Variants in MAML3 observed in about 807,000 individuals in gnomAD.
MAML3 encodes the protein mastermind like transcriptional coactivator 3.
MAML3 carries 27 observed loss-of-function variants against 101.9 expected under a neutral mutation model. The observed-to-expected ratio is 0.27, with a 90% CI of 0.20 to 0.37. The LOEUF is 0.37. Ranked by LOEUF, MAML3 falls within the 10% of genes least tolerant of loss-of-function variation. MAML3 has a pLI of 1.00. For synonymous variants in MAML3, 501 were observed against 555.9 expected (o/e 0.90, Z 1.39); for missense variants, 1,316 against 1,444.9 (o/e 0.91, Z 1.45).
chr4:139,926,109 C>T lies in MAML3; in HGVS notation c.469-35142G>A, dbSNP rs144779057. Among the ~76,000 whole-genome samples, 6 of 152,208 alleles carry T rather than the reference C, an allele frequency of 3.9e-5. No individual in the cohort carries two copies. The East Asian group carries it at 9.7e-4, about 24-fold the overall frequency. ...CTTCAAAAACCAAACACCCATATAC[C>T]GAGAAGGCATATGCTCTGTTTATTT... On this transcript the variant is annotated intron_variant, in intron 1 of 4. Transcript: ENST00000509479.
chr4:139,804,648 T>G (rs1270058678), intron 2 of MAML3, among the ~76,000 whole-genome samples: 1 of 152,230 alleles, frequency 6.6e-6, no homozygotes, highest in East Asian at 1.9e-4. Context: ...CTGCTTATAC[T>G]CTAAAATTCT....
chr4:140,070,877 G>A (rs556556219), intron 1 of MAML3, among the ~76,000 whole-genome samples: 1 of 152,188 alleles, frequency 6.6e-6, no homozygotes, highest in Non-Finnish European at 1.5e-5. Context: ...AAGTAGAAAG[G>A]CCCCTTCCCT....
intron 1 of MAML3, among the ~76,000 whole-genome samples, chr4:140,000,384 T>C (rs940708088): frequency 6.7e-6 from 1 of 149,172 alleles, no homozygotes; most frequent in Non-Finnish European, 1.5e-5. Context: ...AACCTGGGAA[T>C]AAAAAGAGCT....
intron 1 of MAML3, among the ~76,000 whole-genome samples, chr4:140,030,986 T>C (rs1266725409): frequency 1.3e-5 from 2 of 152,190 alleles, no homozygotes; most frequent in East Asian, 1.9e-4. Flanking sequence ...AGTTATCTTG[T>C]GATAGGCAGC....
intron 1 of MAML3, among the ~76,000 whole-genome samples, chr4:139,921,299 C>T (rs1292708122): frequency 2.0e-5 from 3 of 152,202 alleles, no homozygotes; most frequent in South Asian, 4.1e-4. Context: ...CCTTCCCTCT[C>T]TATGGCTGGC....
At chr4:139,856,420 C>T (rs1248996395) in intron 2 of MAML3, among the ~76,000 whole-genome samples, 1 of 152,212 alleles carries the variant, frequency 6.6e-6, no homozygotes, top group Non-Finnish European at 1.5e-5. Flanking sequence ...TGGACGGACA[C>T]AAGCAGCGAC....
At chr4:139,809,359 G>A (rs1051300902) in intron 2 of MAML3, among the ~76,000 whole-genome samples, 2 of 152,192 alleles carry the variant, frequency 1.3e-5, no homozygotes, top group African/African-American at 4.8e-5. Flanking sequence ...GCTCTTAGCT[G>A]CTGATTTTAG....
intron 1 of MAML3, among the ~76,000 whole-genome samples, chr4:139,938,710 T>C (rs1733549448): frequency 6.6e-6 from 1 of 152,162 alleles, no homozygotes; most frequent in Non-Finnish European, 1.5e-5. Context: ...TTTAAAAAAA[T>C]GGATAATTCA....
chr4:139,878,427 T>C (rs1228808649), intron 2 of MAML3, among the ~76,000 whole-genome samples: 1 of 152,186 alleles, frequency 6.6e-6, no homozygotes, highest in Admixed American at 6.5e-5. Context: ...GGTTACACTG[T>C]TTTGGTATCT....
intron 1 of MAML3, among the ~76,000 whole-genome samples, chr4:139,976,722 T>G (rs929957385): frequency 6.6e-6 from 1 of 152,230 alleles, no homozygotes; most frequent in Non-Finnish European, 1.5e-5. Context: ...ATTCAGTGTT[T>G]TTTAGAGGCA....
intron 1 of MAML3, among the ~76,000 whole-genome samples, chr4:139,947,586 TC>T (rs1733752664): frequency 6.6e-6 from 1 of 152,148 alleles, no homozygotes; most frequent in African/African-American, 2.4e-5. Context: ...CACCCACATG[TC>T]CCTAGCAGAA....
At chr4:140,078,491 C>T (rs1238614213) in intron 1 of MAML3, among the ~76,000 whole-genome samples, 2 of 152,064 alleles carry the variant, frequency 1.3e-5, no homozygotes, top group African/African-American at 4.8e-5. Context: ...CAGAGAAGGC[C>T]ACTCCAAGCT....
chr4:140,022,330 T>C (rs1178364299), intron 1 of MAML3, among the ~76,000 whole-genome samples: 6 of 152,210 alleles, frequency 3.9e-5, no homozygotes, highest in Non-Finnish European at 8.8e-5. Context: ...AAAAAACTAT[T>C]GGAACAGCCT....
intron 2 of MAML3, among the ~76,000 whole-genome samples, chr4:139,881,936 C>T (rs1327832803): frequency 6.6e-6 from 1 of 152,078 alleles, no homozygotes; most frequent in Non-Finnish European, 1.5e-5. Context: ...AAGTGATCCG[C>T]CCGCCTCAGC....
intron 2 of MAML3, among the ~76,000 whole-genome samples, chr4:139,790,535 CAAT>C (rs908432473): frequency 1.3e-5 from 2 of 151,888 alleles, no homozygotes; most frequent in Non-Finnish European, 2.9e-5. Context: ...TATCCATTAA[CAAT>C]AACTTCCCAT....
intron 1 of MAML3, among the ~76,000 whole-genome samples, chr4:139,941,139 A>C (rs905986477): frequency 3.9e-5 from 6 of 152,208 alleles, no homozygotes; most frequent in African/African-American, 1.4e-4. Context: ...CTGCTTTTTA[A>C]AACTTGTTTT....
At chr4:139,797,430 G>GT (rs980578724) in intron 2 of MAML3, among the ~76,000 whole-genome samples, 9 of 152,240 alleles carry the variant, frequency 5.9e-5, no homozygotes, top group African/African-American at 1.7e-4. Flanking sequence ...AATGGGCTGA[G>GT]TTTTTTTCAA....
intron 2 of MAML3, among the ~76,000 whole-genome samples, chr4:139,874,128 A>G (rs1252524305): frequency 6.6e-6 from 1 of 152,232 alleles, no homozygotes; most frequent in Non-Finnish European, 1.5e-5. Flanking sequence ...GATTTTAACA[A>G]AGAGAAATGA....
chr4:140,018,105 C>A (rs1726673100), intron 1 of MAML3, among the ~76,000 whole-genome samples: 2 of 152,140 alleles, frequency 1.3e-5, no homozygotes, highest in East Asian at 3.8e-4. Context: ...CTACAGACAA[C>A]TGCTGGTGTA....
Sources: allele counts gnomAD v4.1 joint callset (sites outside exome capture counted in the v4.1 genomes callset), GRCh38; gene constraint gnomAD v4.1.1; transcripts MANE v1.5; gene names NCBI Gene and HGNC (gene_info 2026-07-23, HGNC 2026-07-21).